The following ENTHD1 variants were observed in gnomAD, a reference collection of about 807,000 sequenced individuals.
ENTHD1 encodes ENTH domain containing 1.
A neutral mutation model predicts 39.1 loss-of-function variants in ENTHD1; 23 were observed. That is an observed-to-expected ratio of 0.59 (90% CI 0.42 to 0.83). The LOEUF (loss-of-function observed/expected upper bound fraction) is 0.83. Among genes scored for constraint, ENTHD1 ranks in the 40% least tolerant of loss-of-function variants. ENTHD1 has a pLI of 0.00. For synonymous variants in ENTHD1, 230 were observed against 258.2 expected, an observed-to-expected ratio of 0.89 and a Z score of 1.05; for missense variants, 624 against 705.4, an observed-to-expected ratio of 0.88 and a Z score of 1.31.
chr22:39,829,790 CAATA>C lies in ENTHD1; in HGVS notation c.711+6046_711+6049del, dbSNP rs10657076. Reference sequence around the variant, plus strand: ...TGGGTGGCATAGAGAGACTCTGTCTCAATAAATAAATAAATAAATAAATAAATAA... The same window carrying C: ...TGGGTGGCATAGAGAGACTCTGTCTCAATAAATAAATAAATAAATAAATAA... On this transcript the variant is annotated intron_variant, in intron 4 of 6. Coordinates refer to ENST00000325157, the MANE Select transcript of ENTHD1 (RefSeq NM_152512.4). Among the ~76,000 whole-genome samples, 677 of 143,398 alleles carry C rather than the reference CAATA, an allele frequency of 4.7e-3. 6 individuals carry two copies. The highest frequency in any genetic ancestry group is 0.013 in the African/African-American group (516 of 39,106). The allele number at this position is 143,398 out of a possible 152,430, so 94.1% of individuals were successfully genotyped here. A position where few individuals can be genotyped will look rare whatever the true frequency, so the allele number is the denominator to read the frequency against.
chr22:39,758,496 C>T (rs1194121982), intron 6 of ENTHD1, among the ~76,000 whole-genome samples: 1 of 152,160 alleles, frequency 6.6e-6, no homozygotes, highest in Non-Finnish European at 1.5e-5. Context: ...GCAATCATAG[C>T]TCGCTGCAGC....
At chr22:39,769,593 A>G (rs552398918) in intron 5 of ENTHD1, among the ~76,000 whole-genome samples, 1 of 152,234 alleles carries the variant, frequency 6.6e-6, no homozygotes, top group South Asian at 2.1e-4. Flanking sequence ...TCCGGGGTGG[A>G]GAAGAAGAGA....
chr22:39,788,819 G>C (rs2065480841), intron 5 of ENTHD1, among the ~76,000 whole-genome samples: 1 of 152,006 alleles, frequency 6.6e-6, no homozygotes, highest in African/African-American at 2.4e-5. Context: ...TCAACATGGA[G>C]GAAAGACCCT....
intron 3 of ENTHD1, among the ~76,000 whole-genome samples, chr22:39,858,335 T>A (rs2066111870): frequency 6.6e-6 from 1 of 152,194 alleles, no homozygotes; most frequent in Non-Finnish European, 1.5e-5. Context: ...AGGCTCCACT[T>A]CTAATTCTAG....
chr22:39,826,724 A>C (rs998143481), intron 4 of ENTHD1, among the ~76,000 whole-genome samples: 1 of 151,978 alleles, frequency 6.6e-6, no homozygotes, highest in Non-Finnish European at 1.5e-5. Flanking sequence ...TGACACTCTG[A>C]TGTAGGATGT....
intron 6 of ENTHD1, among the ~76,000 whole-genome samples, chr22:39,752,067 C>T (rs1447231074): frequency 6.6e-6 from 1 of 152,068 alleles, no homozygotes; most frequent in Non-Finnish European, 1.5e-5. Context: ...CTCTCTCTCT[C>T]TCTCTATAGA....
intron 3 of ENTHD1, among the ~76,000 whole-genome samples, chr22:39,860,545 A>G (rs2066131456): frequency 6.6e-6 from 1 of 152,218 alleles, no homozygotes; most frequent in South Asian, 2.1e-4. Flanking sequence ...CTCCAATCCC[A>G]AGTGTGGATG....
intron 5 of ENTHD1, among the ~76,000 whole-genome samples, chr22:39,775,854 A>G (rs1490843931): frequency 1.3e-5 from 2 of 152,124 alleles, no homozygotes; most frequent in African/African-American, 4.8e-5. Context: ...GTCCACAAGA[A>G]CTTGAGGAGA....
rs780323629 is a variant in ENTHD1, at chr22:39,835,831, T to C, written c.711+9A>G. ...TTATTACAGCAGCTATAGGAAACTA[T>C]AGACTTACCTCTGTTGATTTCCAAC... is the stretch of plus-strand genomic sequence containing the variant. On this transcript the variant is annotated intron_variant, in intron 4 of 6. Coordinates refer to ENST00000325157, the MANE Select transcript of ENTHD1 (RefSeq NM_152512.4). 3.1e-6 allele frequency: 5 copies of C among 1,589,336 alleles called. No homozygotes were observed. Among genetic ancestry groups the C allele is most frequent in the East Asian group, 2.2e-5 (1 of 44,528 alleles).
intron 6 of ENTHD1, among the ~76,000 whole-genome samples, chr22:39,759,295 A>G (rs1374068688): frequency 2.0e-5 from 3 of 152,092 alleles, no homozygotes; most frequent in East Asian, 1.9e-4. Context: ...GTGTGTATCT[A>G]TATGTCTTTT....
At chr22:39,881,491 T>G (rs966247255) in intron 2 of ENTHD1, among the ~76,000 whole-genome samples, 1 of 152,240 alleles carries the variant, frequency 6.6e-6, no homozygotes, top group Admixed American at 6.5e-5. Context: ...TTTTTCTGAT[T>G]TGTTTTCCCA....
chr22:39,867,771 C>T lies in ENTHD1; in HGVS notation c.350-5764G>A, dbSNP rs1008991354. Among the ~76,000 whole-genome samples the T allele has an allele frequency of 2.0e-5, 3 of 151,796 alleles. No individual in the cohort carries two copies. The highest frequency in any genetic ancestry group is 7.3e-5 in the African/African-American group (3 of 41,276). On this transcript the variant is annotated intron_variant, in intron 2 of 6. Transcript: ENST00000325157. This position sits in a 1 kb window ranked among gnomAD's most constrained non-coding sequence, Gnocchi z 4.5. ...TCGCGCCATTGCACTCCAGCCTGGG[C>T]GATGAGAGCACAACTCCGTCTCAAA...
At chr22:39,784,167 C>T (rs747667005) in intron 5 of ENTHD1, among the ~76,000 whole-genome samples, 5 of 151,960 alleles carry the variant, frequency 3.3e-5, no homozygotes, top group Non-Finnish European at 7.4e-5. Flanking sequence ...ACTAAACACT[C>T]GAGAAATGTA....
chr22:39,875,330 G>T, intron 2 of ENTHD1: 1 of 1,329,604 alleles, frequency 7.5e-7, no homozygotes. Flanking sequence ...GTTCGCGCCC[G>T]TCCTGTCGGC....
intron 3 of ENTHD1, among the ~76,000 whole-genome samples, chr22:39,849,807 T>C (rs1347636597): frequency 6.6e-6 from 1 of 152,202 alleles, no homozygotes; most frequent in Admixed American, 6.5e-5. Context: ...GTTTTCTATA[T>C]GAAAATCCTA....
At chr22:39,773,898 CAAGAG>C (rs1240162012) in intron 5 of ENTHD1, among the ~76,000 whole-genome samples, 1 of 152,104 alleles carries the variant, frequency 6.6e-6, no homozygotes, top group East Asian at 1.9e-4. Flanking sequence ...AGAAAAAAGT[CAAGAG>C]AAGAAGGACA....
At chr22:39,890,992 G>C (rs2146786923) in intron 1 of ENTHD1, among the ~76,000 whole-genome samples, 1 of 152,326 alleles carries the variant, frequency 6.6e-6, no homozygotes, top group South Asian at 2.1e-4. Flanking sequence ...TTTACATACA[G>C]CATCAAATAA....
intron 4 of ENTHD1, among the ~76,000 whole-genome samples, chr22:39,830,294 T>C (rs1005569974): frequency 5.3e-5 from 8 of 152,074 alleles, no homozygotes; most frequent in African/African-American, 1.9e-4. Context: ...AGGCTGGTCT[T>C]GAACTCCTGA....
chr22:39,743,577 C>A lies in ENTHD1; in HGVS notation c.*102G>T. ...TAAACCTGACAAGGAAAAATTAAACCATCCCCTTTTTTGCCATAATAATAT... is the reference window on the plus strand; with the variant it reads ...TAAACCTGACAAGGAAAAATTAAACAATCCCCTTTTTTGCCATAATAATAT... On this transcript the variant is annotated 3_prime_UTR_variant, in exon 7 of 7. Coordinates refer to ENST00000325157, the MANE Select transcript of ENTHD1 (RefSeq NM_152512.4). 1.5e-6 allele frequency: 2 copies of A among 1,317,008 alleles called. No homozygotes were observed. Among genetic ancestry groups the A allele is most frequent in the Non-Finnish European group, 2.0e-6 (2 of 1,001,126 alleles). The allele number at this position is 1,317,008 out of a possible 1,614,324, so 81.6% of individuals were successfully genotyped here.
Sources: gnomAD v4.1 joint callset for allele counts (sites outside exome capture counted in the v4.1 genomes callset) on GRCh38, gnomAD v4.1.1 for gene constraint, Gnocchi (gnomAD v3.1) non-coding constraint, MANE v1.5 for transcripts, NCBI Gene and HGNC (gene_info 2026-07-23, HGNC 2026-07-21) for gene names.